The following SLC1A1 variants were observed in gnomAD, a reference collection of about 807,000 sequenced individuals.
SLC1A1 encodes the protein solute carrier family 1 member 1.
SLC1A1 carries 43 observed loss-of-function variants against 53.3 expected under a neutral mutation model. The observed-to-expected ratio is 0.81, with a 90% CI of 0.63 to 1.04. The LOEUF (loss-of-function observed/expected upper bound fraction) is 1.04. Among genes scored for constraint, SLC1A1 ranks in the 50% least tolerant of loss-of-function variants. The probability of loss-of-function intolerance (pLI) is 0.00; values close to 1 mark genes in which losing one functional copy is unlikely to be tolerated. For synonymous variants in SLC1A1, 307 were observed against 243.2 expected (o/e 1.26, Z -2.44); for missense variants, 748 against 664.9 (o/e 1.12, Z -1.37).
intron 2 of SLC1A1, chr9:4,560,158 G>A (rs1314969299): frequency 6.6e-6 from 1 of 152,162 alleles, no homozygotes. Flanking sequence ...ATTTTAAGAT[G>A]TCTCACAATA....
rs1818453568 is a variant in SLC1A1, at chr9:4,556,940, AAG to A, written c.233-4508_233-4507del. Among the ~76,000 whole-genome samples the A allele has an allele frequency of 1.3e-5, 2 of 152,172 alleles. No homozygotes were observed. Among genetic ancestry groups the A allele is most frequent in the African/African-American group, 4.8e-5 (2 of 41,442 alleles). On this transcript the variant is annotated intron_variant, in intron 2 of 11. Coordinates refer to ENST00000262352, the MANE Select transcript of SLC1A1 (RefSeq NM_004170.6). The surrounding 1 kb of genome is among the most constrained non-coding windows in gnomAD (Gnocchi z 4.1). ...TGCACAACAACAACAACAATAAAAC[AAG>A]GTTGAAAAAGACTGAGATGTTACAT...
intron 1 of SLC1A1, among the ~76,000 whole-genome samples, chr9:4,534,643 G>A (rs1354258473): frequency 2.0e-5 from 3 of 151,970 alleles, no homozygotes; most frequent in Admixed American, 1.3e-4. Context: ...ACAAGGAGGT[G>A]CTGGTACCAT....
chr9:4,531,125 G>C lies in SLC1A1; in HGVS notation c.92-13442G>C, dbSNP rs150832422. ...AGAGCTCCAGTCTACAGCTCCCAGC[G>C]TGAGTGACTCAGAAGATGGGTGATT... On this transcript the variant is annotated intron_variant, in intron 1 of 11. Transcript: ENST00000262352. Among the ~76,000 whole-genome samples the C allele has an allele frequency of 1.2e-4, 19 of 152,308 alleles. 1 individual carries two copies. The East Asian group carries it at 3.7e-3, about 29-fold the overall frequency.
chr9:4,530,109 T>G (rs965700873), intron 1 of SLC1A1, among the ~76,000 whole-genome samples: 1 of 152,172 alleles, frequency 6.6e-6, no homozygotes, highest in African/African-American at 2.4e-5. Flanking sequence ...TATTTTTCTC[T>G]TATTTTTATT....
chr9:4,491,944 G>A (rs1820249798), intron 1 of SLC1A1, among the ~76,000 whole-genome samples: 1 of 152,198 alleles, frequency 6.6e-6, no homozygotes, highest in African/African-American at 2.4e-5. Flanking sequence ...GTGGGGATAG[G>A]GCATGGAAAT....
intron 2 of SLC1A1, among the ~76,000 whole-genome samples, chr9:4,546,269 G>A (rs867038004): frequency 1.3e-5 from 2 of 152,150 alleles, no homozygotes; most frequent in African/African-American, 4.8e-5. Context: ...ATTTAATTAC[G>A]TTTGGAAATG....
intron 1 of SLC1A1, among the ~76,000 whole-genome samples, chr9:4,539,327 T>C (rs1816813798): frequency 6.6e-6 from 1 of 152,336 alleles, no homozygotes; most frequent in Middle Eastern, 3.4e-3. Context: ...TTTTGTTCTT[T>C]TCTGATTCCC....
At chr9:4,561,685 G>T in intron 3 of SLC1A1, 144 bp downstream of exon 3, 2 of 712,412 alleles carry the variant, frequency 2.8e-6, no homozygotes, top group South Asian at 1.5e-5. Context: ...TGAGGTCAGG[G>T]GTTTGAGACC....
At chr9:4,490,886 C>A (rs976315677) in intron 1 of SLC1A1, 116 bp downstream of exon 1, 3 of 793,790 alleles carry the variant, frequency 3.8e-6, no homozygotes, top group Non-Finnish European at 6.2e-6. Flanking sequence ...TCCCTCGATG[C>A]CCCCTCGGCC....
At chr9:4,576,502 T>C in intron 9 of SLC1A1, 67 bp from the exon 10 acceptor site, 1 of 1,314,404 alleles carries the variant, frequency 7.6e-7, no homozygotes, top group East Asian at 2.3e-5. Flanking sequence ...AAGACAGGCA[T>C]GTCTTCAGGC....
chr9:4,585,930 A>G lies in SLC1A1; in HGVS notation c.*372A>G, dbSNP rs571292676. 26 of 193,856 alleles carry G rather than the reference A, an allele frequency of 1.3e-4. No homozygotes were observed. The East Asian group carries it at 2.9e-3, about 22-fold the overall frequency. 12.0% of individuals were successfully genotyped at this position (193,856 alleles called of 1,614,324 possible). ...GGGTTTTTAAAAAAAATATTCTGTC[A>G]TTGGTTACAAATTTTTACTCAGGCT... is the stretch of plus-strand genomic sequence containing the variant. On this transcript the variant is annotated 3_prime_UTR_variant, in exon 12 of 12. Transcript: ENST00000262352.
intron 6 of SLC1A1, among the ~76,000 whole-genome samples, chr9:4,568,054 T>G (rs1388809803): frequency 6.6e-6 from 1 of 152,182 alleles, no homozygotes; most frequent in African/African-American, 2.4e-5. Context: ...TGGAAACAAG[T>G]GTCCCTTTTG....
chr9:4,576,146 G>C (rs368163245), intron 9 of SLC1A1, 23 bp downstream of exon 9: 76 of 1,611,796 alleles, frequency 4.7e-5, no homozygotes, highest in Non-Finnish European at 6.3e-5. Context: ...GGGGTTTCTG[G>C]AAGAAGCCTC....
intron 1 of SLC1A1, among the ~76,000 whole-genome samples, chr9:4,515,428 G>A: frequency 6.6e-6 from 1 of 152,082 alleles, no homozygotes; most frequent in South Asian, 2.1e-4. Flanking sequence ...TTCCTTTGTT[G>A]GGTCTCATGT....
At position 4,572,385 on chromosome 9, in the gene SLC1A1, T is replaced by C. The variant is rs1269749763; in HGVS notation, c.764T>C (p.Met255Thr). 1.2e-6 allele frequency: 2 copies of C among 1,613,388 alleles called. No homozygotes were observed. The highest frequency in any genetic ancestry group is 1.7e-5 in the Admixed American group (1 of 60,010). Residue 255 changes from methionine (M) to threonine (T), a missense_variant, in exon 7 of 12, where the codon ATG becomes ACG. Physicochemically the swap from Met to Thr is moderately conservative, Grantham distance 81. Coordinates refer to ENST00000262352, the MANE Select transcript of SLC1A1 (RefSeq NM_004170.6). Reference sequence around the variant, plus strand: ...ACCATGAAAATCGTTCAGATCATCATGTGGTGAGCAGACACTGTTTAATGT... The same window carrying C: ...ACCATGAAAATCGTTCAGATCATCACGTGGTGAGCAGACACTGTTTAATGT... ...DATMKIVQIIMCYMPLGILFL... is the reference protein window; with the variant it reads ...DATMKIVQIITCYMPLGILFL...
rs760046448 is a variant in SLC1A1, at chr9:4,567,662, C to T, written c.484-7C>T. 6 of 1,584,414 alleles carry T rather than the reference C, an allele frequency of 3.8e-6. No individual in the cohort carries two copies. The highest frequency in any genetic ancestry group is 1.7e-5 in the Admixed American group (1 of 59,866). On this transcript the variant is annotated splice_polypyrimidine_tract_variant and splice_region_variant and intron_variant, in intron 5 of 11. Transcript: ENST00000262352. ...TTTGCTTGTCCTTGATTTTCTCCAA[C>T]ATGCAGTACAAAACTAAGCGTGAAG...
chr9:4,557,147 A>G (rs1271099389), intron 2 of SLC1A1, among the ~76,000 whole-genome samples: 3 of 152,208 alleles, frequency 2.0e-5, no homozygotes, highest in Non-Finnish European at 2.9e-5. Context: ...ACTTGCAAAA[A>G]TGCAGCTCTT....
At chr9:4,497,810 T>G (rs771744813) in intron 1 of SLC1A1, among the ~76,000 whole-genome samples, 7 of 152,220 alleles carry the variant, frequency 4.6e-5, no homozygotes, top group Admixed American at 6.5e-5. Flanking sequence ...ACTGTTTTTT[T>G]AATTTTTAAA....
intron 5 of SLC1A1, 118 bp from the exon 6 acceptor site, chr9:4,567,551 T>C (rs530985476): frequency 1.3e-3 from 939 of 710,720 alleles, no homozygotes; most frequent in Non-Finnish European, 2.1e-3. Flanking sequence ...AGGCATTGGA[T>C]GTAGATCCCT....
Sources: gnomAD v4.1 joint callset for allele counts (sites outside exome capture counted in the v4.1 genomes callset) on GRCh38, gnomAD v4.1.1 for gene constraint, Gnocchi (gnomAD v3.1) non-coding constraint, MANE v1.5 for transcripts, NCBI Gene and HGNC (gene_info 2026-07-23, HGNC 2026-07-21) for gene names.